Variants in ADD2 observed in about 807,000 individuals in gnomAD.
The protein encoded by ADD2 is adducin 2.
Under a neutral mutation model 83.0 loss-of-function variants are expected in ADD2, and 23 were observed. The observed-to-expected ratio is 0.28, with a 90% CI of 0.20 to 0.39. The LOEUF is 0.39. Among genes scored for constraint, ADD2 ranks in the 10% least tolerant of loss-of-function variants. The probability of loss-of-function intolerance (pLI) is 1.00; values close to 1 mark genes in which losing one functional copy is unlikely to be tolerated. For synonymous variants in ADD2, 375 were observed against 375.4 expected (o/e 1.00, Z 0.01); for missense variants, 758 against 944.9 (o/e 0.80, Z 2.59).
intron 1 of ADD2, among the ~76,000 whole-genome samples, chr2:70,742,894 A>T (rs2104505511): frequency 6.6e-6 from 1 of 152,298 alleles, no homozygotes; most frequent in Middle Eastern, 3.4e-3. Flanking sequence ...GTGATATTTA[A>T]GTTTGTCAAT....
rs190688553 is a variant in ADD2, at chr2:70,755,839, T to C, written c.-154+12047A>G. 1.9e-3 allele frequency among the ~76,000 whole-genome samples: 290 copies of C among 152,032 alleles called. 2 individuals are homozygous for C. Among genetic ancestry groups the C allele is most frequent in the African/African-American group, 6.7e-3 (277 of 41,490 alleles). On this transcript the variant is annotated intron_variant, in intron 1 of 15. Coordinates refer to ENST00000264436, the MANE Select transcript of ADD2 (RefSeq NM_001617.4). The stretch of plus-strand genomic sequence containing the variant: ...ACTTTGGGAGGCCGAGGTGGGCAGA[T>C]CATGAGGTCAGGAGTTCGAGACCAG...
chr2:70,704,519 G>A, intron 3 of ADD2, 60 bp from the exon 4 acceptor site: 3 of 1,599,326 alleles, frequency 1.9e-6, no homozygotes, highest in Non-Finnish European at 2.6e-6. Flanking sequence ...GCCCAACAAT[G>A]AGCTCTTCCA....
At chr2:70,731,426 A>G (rs1673276220) in intron 1 of ADD2, among the ~76,000 whole-genome samples, 1 of 152,212 alleles carries the variant, frequency 6.6e-6, no homozygotes. Flanking sequence ...GAGAAAGTTC[A>G]TTGGGGGACA....
At chr2:70,682,467 T>A (rs1449098213) in intron 10 of ADD2, among the ~76,000 whole-genome samples, 1 of 152,130 alleles carries the variant, frequency 6.6e-6, no homozygotes, top group Non-Finnish European at 1.5e-5. Context: ...AAAGTAGAGA[T>A]GATTTGGAGG....
chr2:70,687,347 A>G (rs1670789776), intron 9 of ADD2: 1 of 152,704 alleles, frequency 6.5e-6, no homozygotes. Flanking sequence ...CTTGTTGTCT[A>G]TACAACTACA....
intron 1 of ADD2, among the ~76,000 whole-genome samples, chr2:70,720,834 A>G (rs1553377206): frequency 6.6e-6 from 1 of 152,216 alleles, no homozygotes; most frequent in East Asian, 1.9e-4. Context: ...AAGTAAGCAG[A>G]AATGATGGCA....
intron 4 of ADD2, among the ~76,000 whole-genome samples, chr2:70,696,896 C>A (rs1024709284): frequency 6.6e-6 from 1 of 152,200 alleles, no homozygotes. Flanking sequence ...TGCGGTGGCT[C>A]ACACCTGTAA....
chr2:70,735,114 T>A (rs1268563166), intron 1 of ADD2, among the ~76,000 whole-genome samples: 1 of 152,176 alleles, frequency 6.6e-6, no homozygotes, highest in Non-Finnish European at 1.5e-5. Context: ...TTTTTCCAAC[T>A]GTCACAGTTA....
intron 1 of ADD2, among the ~76,000 whole-genome samples, chr2:70,722,888 G>A (rs1266706583): frequency 1.3e-5 from 2 of 152,206 alleles, no homozygotes; most frequent in East Asian, 3.8e-4. Context: ...GGGGGACATA[G>A]TACAGAGTAG....
In ADD2 at chr2:70,676,645, T is replaced by C. The variant is rs1670157843; in HGVS notation, c.1593+151A>G. 4 of 1,481,558 alleles carry C rather than the reference T, an allele frequency of 2.7e-6. No individual in the cohort carries two copies. The Admixed American group carries it at 9.0e-5, about 33-fold the overall frequency. The allele number at this position is 1,481,558 out of a possible 1,614,324, so 91.8% of individuals were successfully genotyped here. On this transcript the variant is annotated intron_variant, in intron 13 of 15. Transcript: ENST00000264436. This position sits in a 1 kb window ranked among gnomAD's most constrained non-coding sequence, Gnocchi z 4.8. ...GGTCCTCACAGCACCCCTGTGAGGT[T>C]GGCCTCCATTTTGCAGCAAGAGCAC... is the stretch of plus-strand genomic sequence containing the variant.
intron 10 of ADD2, among the ~76,000 whole-genome samples, chr2:70,682,175 T>C (rs1574235406): frequency 6.6e-6 from 1 of 152,358 alleles, no homozygotes; most frequent in East Asian, 1.9e-4. Flanking sequence ...ATTTGCTAGT[T>C]TTCATGTAGC....
At chr2:70,740,119 G>A (rs1411358834) in intron 1 of ADD2, among the ~76,000 whole-genome samples, 1 of 152,082 alleles carries the variant, frequency 6.6e-6, no homozygotes, top group African/African-American at 2.4e-5. Context: ...ATTTATATCA[G>A]AGACAATAAA....
intron 1 of ADD2, among the ~76,000 whole-genome samples, chr2:70,757,587 G>C (rs914792075): frequency 6.6e-6 from 1 of 152,054 alleles, no homozygotes. Context: ...GGTGTTAAGA[G>C]GGAAGGAGAA....
At position 70,740,359 on chromosome 2, in the gene ADD2, T is replaced by C. The variant is rs377386836; in HGVS notation, c.-153-27175A>G. On this transcript the variant is annotated intron_variant, in intron 1 of 15. Coordinates refer to ENST00000264436, the MANE Select transcript of ADD2 (RefSeq NM_001617.4). The stretch of plus-strand genomic sequence containing the variant: ...TGACAAAGAGGCTTAAAAAAGAGGA[T>C]AGGAGAATACAAGAAACCTGAATCG... Among the ~76,000 whole-genome samples, 10 of 152,298 alleles carry C rather than the reference T, an allele frequency of 6.6e-5. 1 individual carries two copies. In the East Asian group the frequency reaches 1.4e-3, roughly 21 times the overall value.
At chr2:70,704,263 T>TGGGCCCCCCCC in intron 4 of ADD2, 58 bp downstream of exon 4, 12 of 913,228 alleles carry the variant, frequency 1.3e-5, no homozygotes, top group Admixed American at 2.1e-5. Flanking sequence ...CTCCCTCTCT[T>TGGGCCCCCCCC]CCCCACCCCA....
chr2:70,730,289 C>T (rs1207554026), intron 1 of ADD2, among the ~76,000 whole-genome samples: 2 of 152,200 alleles, frequency 1.3e-5, no homozygotes, highest in South Asian at 2.1e-4. Flanking sequence ...GACATGTGAG[C>T]ATGATACCAC....
chr2:70,682,978 A>T (rs782202476), intron 10 of ADD2, among the ~76,000 whole-genome samples: 2 of 151,824 alleles, frequency 1.3e-5, no homozygotes, highest in African/African-American at 2.4e-5. Context: ...GCAAAGCCCC[A>T]GTATAAGATA....
rs1675505177 is a variant in ADD2 at position 70,660,540 on chromosome 2, T to C, written c.*2885A>G. 6.6e-6 allele frequency: 1 copy of C among 152,498 alleles called. No individual in the cohort carries two copies. The highest frequency in any genetic ancestry group is 1.9e-4 in the East Asian group (1 of 5,170). 9.4% of individuals were successfully genotyped at this position (152,498 alleles called of 1,614,324 possible). On this transcript the variant is annotated 3_prime_UTR_variant, in exon 16 of 16. Transcript: ENST00000264436. ...ATTCTGATCATGACTCTATCCTGAT[T>C]TAAAGGCTCCAGTGGCTCCAAACCC...
intron 1 of ADD2, among the ~76,000 whole-genome samples, chr2:70,744,478 A>C (rs1205525243): frequency 2.0e-5 from 3 of 152,216 alleles, no homozygotes; most frequent in Non-Finnish European, 4.4e-5. Flanking sequence ...TGACCTCTGA[A>C]GAGGTGGAAG....
Sources: gnomAD v4.1 joint callset for allele counts (sites outside exome capture counted in the v4.1 genomes callset) on GRCh38, gnomAD v4.1.1 for gene constraint, Gnocchi (gnomAD v3.1) non-coding constraint, MANE v1.5 for transcripts, NCBI Gene and HGNC (gene_info 2026-07-23, HGNC 2026-07-21) for gene names.